Variants in ITGB3BP observed in about 807,000 individuals in gnomAD.
The protein encoded by ITGB3BP is integrin subunit beta 3 binding protein.
ITGB3BP carries 27 observed loss-of-function variants against 29.1 expected under a neutral mutation model. The observed-to-expected ratio is 0.93, with a 90% CI of 0.68 to 1.28. ITGB3BP has a LOEUF of 1.28. Among genes scored for constraint, ITGB3BP ranks in the 50% most tolerant of loss-of-function variants. ITGB3BP has a pLI of 0.00. For missense variants in ITGB3BP, 192 were observed against 200.2 expected (o/e 0.96, Z 0.25); for synonymous variants, 61 against 61.4 (o/e 0.99, Z 0.03).
intron 4 of ITGB3BP, among the ~76,000 whole-genome samples, chr1:63,469,491 A>C (rs1645159035): frequency 6.6e-6 from 1 of 151,948 alleles, no homozygotes; most frequent in African/African-American, 2.4e-5. Context: ...ATGCCCAGCT[A>C]ATTTTTGCAT....
intron 2 of ITGB3BP, among the ~76,000 whole-genome samples, chr1:63,505,995 T>C (rs1646069117): frequency 6.6e-6 from 1 of 152,214 alleles, no homozygotes; most frequent in Admixed American, 6.5e-5. Flanking sequence ...ATTCTGTTGA[T>C]TTGGGGTGGA....
At chr1:63,506,789 G>C (rs925230965) in intron 2 of ITGB3BP, among the ~76,000 whole-genome samples, 1 of 152,112 alleles carries the variant, frequency 6.6e-6, no homozygotes, top group Non-Finnish European at 1.5e-5. Context: ...TCCCCCTTCA[G>C]CAACATATTG....
intron 4 of ITGB3BP, among the ~76,000 whole-genome samples, chr1:63,477,368 T>C (rs551980522): frequency 6.6e-6 from 1 of 152,196 alleles, no homozygotes; most frequent in Non-Finnish European, 1.5e-5. Context: ...CCAAAAACAT[T>C]TGTAAACATA....
intron 4 of ITGB3BP, among the ~76,000 whole-genome samples, chr1:63,477,035 T>C (rs1381643561): frequency 6.6e-6 from 1 of 152,134 alleles, no homozygotes; most frequent in South Asian, 2.1e-4. Context: ...ACAAAAATAT[T>C]TGTGGGGCAG....
At chr1:63,455,269 ACTT>A (rs1319017143) in intron 4 of ITGB3BP, among the ~76,000 whole-genome samples, 1 of 152,110 alleles carries the variant, frequency 6.6e-6, no homozygotes, top group Non-Finnish European at 1.5e-5. Context: ...TCACCTAGTA[ACTT>A]CTTTTTAAAA....
chr1:63,516,282 G>A (rs1411187591), intron 1 of ITGB3BP, among the ~76,000 whole-genome samples: 3 of 102,674 alleles, frequency 2.9e-5, no homozygotes, highest in Non-Finnish European at 5.3e-5. Context: ...GGGTGACAGA[G>A]CAAGACCATG....
In ITGB3BP at chr1:63,508,513, T is replaced by C. The variant is rs1027672310; in HGVS notation, c.48+15A>G. ...ACAATCTTATTCAATGACAAACTTTTAAGCAAATACTTACATTTTCTTCTA... is the reference window on the plus strand; with the variant it reads ...ACAATCTTATTCAATGACAAACTTTCAAGCAAATACTTACATTTTCTTCTA... On this transcript the variant is annotated intron_variant, in intron 2 of 8. Transcript: ENST00000271002. 1 of 1,322,120 alleles carries C rather than the reference T, an allele frequency of 7.6e-7. No individual in the cohort carries two copies. Among genetic ancestry groups the C allele is most frequent in the Admixed American group, 2.4e-5 (1 of 42,552 alleles). The allele number at this position is 1,322,120 out of a possible 1,614,324, so 81.9% of individuals were successfully genotyped here. A position where few individuals can be genotyped will look rare whatever the true frequency, so the allele number is the denominator to read the frequency against.
In ITGB3BP at chr1:63,454,379, C is replaced by A; in HGVS notation, c.427+1G>T. On this transcript the variant is annotated splice_donor_variant, in intron 6 of 8. Coordinates refer to ENST00000271002, the MANE Select transcript of ITGB3BP (RefSeq NM_014288.5). LOFTEE classifies it high-confidence loss of function. The surrounding 1 kb of genome is among the most constrained non-coding windows in gnomAD (Gnocchi z 4.1). Reference sequence around the variant, plus strand: ...GTCATTGAAAACTCAAAAATTCTTACTTAGTTCTTTGGTTTTCTGCATTTC... The same window carrying A: ...GTCATTGAAAACTCAAAAATTCTTAATTAGTTCTTTGGTTTTCTGCATTTC... 6.6e-7 allele frequency: 1 copy of A among 1,509,836 alleles called. No homozygotes were observed. The highest frequency in any genetic ancestry group is 9.1e-7 in the Non-Finnish European group (1 of 1,093,880). 93.5% of individuals were successfully genotyped at this position (1,509,836 alleles called of 1,614,324 possible).
chr1:63,461,165 A>G (rs1164321787), intron 4 of ITGB3BP, among the ~76,000 whole-genome samples: 1 of 149,318 alleles, frequency 6.7e-6, no homozygotes, highest in Non-Finnish European at 1.5e-5. Flanking sequence ...GAGGCCGGAG[A>G]ATGGCGTGAA....
rs373230023 is a variant in ITGB3BP at position 63,454,017 on chromosome 1, A to G, written c.428-43T>C. The stretch of plus-strand genomic sequence containing the variant: ...CCCATGTCAAGAATTAACATAGAAT[A>G]TGGATAATTTCTCAATACTTGCAAC... On this transcript the variant is annotated intron_variant, in intron 6 of 8. Transcript: ENST00000271002. This position sits in a 1 kb window ranked among gnomAD's most constrained non-coding sequence, Gnocchi z 4.1. 25 of 1,143,798 alleles carry G rather than the reference A, an allele frequency of 2.2e-5. No individual in the cohort carries two copies. In the African/African-American group the frequency reaches 3.2e-4, roughly 15 times the overall value. 70.9% of individuals were successfully genotyped at this position (1,143,798 alleles called of 1,614,324 possible). A position where few individuals can be genotyped will look rare whatever the true frequency, so the allele number is the denominator to read the frequency against.
chr1:63,508,554 T>C lies in ITGB3BP; in HGVS notation c.22A>G (p.Lys8Glu). The C allele has an allele frequency of 7.0e-7, 1 of 1,426,094 alleles. No individual in the cohort carries two copies. Among genetic ancestry groups the C allele is most frequent in the Non-Finnish European group, 9.5e-7 (1 of 1,048,788 alleles). The allele number at this position is 1,426,094 out of a possible 1,614,324, so 88.3% of individuals were successfully genotyped here. A position where few individuals can be genotyped will look rare whatever the true frequency, so the allele number is the denominator to read the frequency against. ...TTTTCTTCTAACAGACCATCCAACT[T>C]CAGTGATCTTTTAACACTACAAACA... The part of the protein sequence containing the change: MPVKRSL[K>E]LDGLLEENSF... Residue 8 changes from lysine to glutamate, a missense_variant, in exon 2 of 9, where the codon AAG becomes GAG. Transcript: ENST00000271002.
intron 3 of ITGB3BP, among the ~76,000 whole-genome samples, chr1:63,487,497 T>C (rs1257354624): frequency 6.6e-6 from 1 of 152,144 alleles, no homozygotes; most frequent in African/African-American, 2.4e-5. Flanking sequence ...GATCTCATTG[T>C]TGTGCAAACA....
At chr1:63,446,576 C>T (rs751528865) in intron 8 of ITGB3BP, 3 of 486,128 alleles carry the variant, frequency 6.2e-6, no homozygotes, top group Non-Finnish European at 1.1e-5. Context: ...TTAAAGTTAG[C>T]GTCGTCAGCT....
At chr1:63,464,224 A>T (rs1484994326) in intron 4 of ITGB3BP, among the ~76,000 whole-genome samples, 1 of 152,248 alleles carries the variant, frequency 6.6e-6, no homozygotes, top group African/African-American at 2.4e-5. Context: ...ATACTTCTTC[A>T]AATGAAGAAC....
chr1:63,461,253 CAAAAAAAA>C lies in ITGB3BP; in HGVS notation c.255-6293_255-6286del, dbSNP rs35374545. On this transcript the variant is annotated intron_variant, in intron 4 of 8. Coordinates refer to ENST00000271002, the MANE Select transcript of ITGB3BP (RefSeq NM_014288.5). ...TGGGCGACAGAGTGAGACTCCATCT[CAAAAAAAA>C]AAAAAAAAAAAAAAAAAATCTACTC... Among the ~76,000 whole-genome samples, 36 of 56,826 alleles carry C rather than the reference CAAAAAAAA, an allele frequency of 6.3e-4. 1 individual carries two copies. The South Asian group carries it at 0.022, about 35-fold the overall frequency. 37.3% of individuals were successfully genotyped at this position (56,826 alleles called of 152,430 possible). A position where few individuals can be genotyped will look rare whatever the true frequency, so the allele number is the denominator to read the frequency against.
At chr1:63,500,832 T>A (rs550934721) in intron 2 of ITGB3BP, among the ~76,000 whole-genome samples, 29 of 152,250 alleles carry the variant, frequency 1.9e-4, no homozygotes, top group African/African-American at 6.7e-4. Context: ...GCCAAATCAA[T>A]CTTGAAAAAG....
intron 2 of ITGB3BP, among the ~76,000 whole-genome samples, chr1:63,495,595 C>T (rs1645766267): frequency 6.8e-6 from 1 of 147,466 alleles, no homozygotes; most frequent in Admixed American, 7.0e-5. Flanking sequence ...TAGGATGGGG[C>T]AGGTAGGGGG....
At chr1:63,471,112 T>G (rs1335921344) in intron 4 of ITGB3BP, among the ~76,000 whole-genome samples, 1 of 152,194 alleles carries the variant, frequency 6.6e-6, no homozygotes, top group African/African-American at 2.4e-5. Context: ...TTCTATTGGA[T>G]TGTCTTGCAA....
At chr1:63,497,138 CA>C (rs1485210709) in intron 2 of ITGB3BP, among the ~76,000 whole-genome samples, 1 of 152,032 alleles carries the variant, frequency 6.6e-6, no homozygotes, top group Non-Finnish European at 1.5e-5. Context: ...GAAGCAAAGA[CA>C]AAAATTCTTA....
Sources: gnomAD v4.1 joint callset for allele counts (sites outside exome capture counted in the v4.1 genomes callset) on GRCh38, gnomAD v4.1.1 for gene constraint, Gnocchi (gnomAD v3.1) non-coding constraint, MANE v1.5 for transcripts, NCBI Gene and HGNC (gene_info 2026-07-23, HGNC 2026-07-21) for gene names.